Variants in TCF7L2 observed in about 807,000 individuals in gnomAD.
TCF7L2 encodes transcription factor 7-like 2.
A neutral mutation model predicts 77.9 loss-of-function variants in TCF7L2; 23 were observed. That is an observed-to-expected ratio of 0.30 (90% CI 0.21 to 0.42). TCF7L2 has a LOEUF of 0.42. Ranked by LOEUF, TCF7L2 falls within the 10% of genes least tolerant of loss-of-function variation. The pLI, the probability that TCF7L2 is intolerant of heterozygous loss-of-function variation, is 1.00. For synonymous variants in TCF7L2, 413 were observed against 340.2 expected, an observed-to-expected ratio of 1.21 and a Z score of -2.36; for missense variants, 654 against 793.1, an observed-to-expected ratio of 0.82 and a Z score of 2.11.
At chr10:113,057,725 G>A (rs1238807969) in intron 5 of TCF7L2, among the ~76,000 whole-genome samples, 1 of 152,132 alleles carries the variant, frequency 6.6e-6, no homozygotes, top group Non-Finnish European at 1.5e-5. Flanking sequence ...TCCATTTTAC[G>A]GATGAAGAGA....
intron 4 of TCF7L2, among the ~76,000 whole-genome samples, chr10:113,019,000 G>A (rs889451192): frequency 2.6e-5 from 4 of 152,278 alleles, no homozygotes; most frequent in Middle Eastern, 3.4e-3. Flanking sequence ...GAGCACAAGA[G>A]GGAGGGACAA....
At chr10:112,979,089 GT>G (rs896133764) in intron 4 of TCF7L2, among the ~76,000 whole-genome samples, 7 of 151,840 alleles carry the variant, frequency 4.6e-5, no homozygotes, top group African/African-American at 1.7e-4. Context: ...AGTTGGTATT[GT>G]TTTTTTTCTC....
chr10:113,025,617 G>A (rs1399041027), intron 4 of TCF7L2, among the ~76,000 whole-genome samples: 2 of 152,244 alleles, frequency 1.3e-5, no homozygotes, highest in East Asian at 3.9e-4. Context: ...CTGGACTCAA[G>A]CAATCTGCCC....
intron 11 of TCF7L2, 54 bp from the exon 12 acceptor site, chr10:113,157,967 T>A (rs1391999266): frequency 1.5e-5 from 23 of 1,544,252 alleles, no homozygotes. Flanking sequence ...GCCCAGACAC[T>A]CTTCTCACAT....
intron 5 of TCF7L2, among the ~76,000 whole-genome samples, chr10:113,044,290 C>T (rs2053029718): frequency 6.6e-6 from 1 of 152,190 alleles, no homozygotes; most frequent in Non-Finnish European, 1.5e-5. Context: ...AAATCTCTGC[C>T]GTCTACCCTG....
Position 113,166,574 on chromosome 10 carries a change from G to C in TCF7L2, c.*602G>C, listed in dbSNP as rs7099964. On this transcript the variant is annotated 3_prime_UTR_variant, in exon 14 of 14. Transcript: ENST00000627217. ...CTTGTTCCATGGTGTTGTTCTTTTGGGGGGAGGGGACGCTACTCAACACTT... is the reference window on the plus strand; with the variant it reads ...CTTGTTCCATGGTGTTGTTCTTTTGCGGGGAGGGGACGCTACTCAACACTT... 0.062 allele frequency: 13,931 copies of C among 225,044 alleles called. 592 individuals are homozygous for C. Among genetic ancestry groups the C allele is most frequent in the Non-Finnish European group, 0.09 (10,135 of 113,092 alleles). The allele number at this position is 225,044 out of a possible 1,614,324, so 13.9% of individuals were successfully genotyped here. A position where few individuals can be genotyped will look rare whatever the true frequency, so the allele number is the denominator to read the frequency against.
rs1419705535 is a variant in TCF7L2, at chr10:113,141,373, C to T, written c.685+57C>T. 4 of 1,609,516 alleles carry T rather than the reference C, an allele frequency of 2.5e-6. No homozygotes were observed. The African/African-American group carries it at 5.4e-5, about 22-fold the overall frequency. ...TGCTGGTCCTGGGGTTCTGGGGGAA[C>T]CTTTGAGGCCTCCACAGGAACCCCA... On this transcript the variant is annotated intron_variant, in intron 6 of 13. Transcript: ENST00000627217.
chr10:112,970,627 G>T (rs1264169974), intron 4 of TCF7L2, among the ~76,000 whole-genome samples: 1 of 152,092 alleles, frequency 6.6e-6, no homozygotes. Flanking sequence ...CCAGAAATTA[G>T]TACCAGCGGA....
At chr10:113,140,849 G>A (rs1410095722) in intron 5 of TCF7L2, among the ~76,000 whole-genome samples, 2 of 152,212 alleles carry the variant, frequency 1.3e-5, no homozygotes, top group East Asian at 3.9e-4. Flanking sequence ...AAACGCAGTA[G>A]GCATGGGAGA....
intron 4 of TCF7L2, among the ~76,000 whole-genome samples, chr10:113,006,812 G>T (rs978064034): frequency 2.6e-5 from 4 of 152,210 alleles, no homozygotes; most frequent in African/African-American, 9.6e-5. Context: ...CCAGGACAGG[G>T]CTGTGCTGCT....
intron 5 of TCF7L2, among the ~76,000 whole-genome samples, chr10:113,107,563 G>A (rs1000281048): frequency 6.6e-6 from 1 of 151,348 alleles, no homozygotes; most frequent in African/African-American, 2.4e-5. Flanking sequence ...CTAACACAGT[G>A]AAACCCTGTC....
intron 4 of TCF7L2, among the ~76,000 whole-genome samples, chr10:113,003,520 A>T (rs1211710914): frequency 2.0e-5 from 3 of 152,100 alleles, no homozygotes; most frequent in African/African-American, 7.2e-5. Context: ...GCCCTCTCTT[A>T]TCCTGTTTCC....
chr10:113,022,444 T>C (rs576514623), intron 4 of TCF7L2, among the ~76,000 whole-genome samples: 1 of 152,312 alleles, frequency 6.6e-6, no homozygotes, highest in African/African-American at 2.4e-5. Flanking sequence ...GGAGCCCATA[T>C]GGAGAAACAG....
chr10:113,097,330 A>T (rs2061107566), intron 5 of TCF7L2, among the ~76,000 whole-genome samples: 1 of 152,140 alleles, frequency 6.6e-6, no homozygotes, highest in Non-Finnish European at 1.5e-5. Context: ...TCTCAGGACA[A>T]ATTTCTTTCC....
At chr10:112,961,102 C>T (rs527875751) in intron 3 of TCF7L2, among the ~76,000 whole-genome samples, 3 of 152,238 alleles carry the variant, frequency 2.0e-5, no homozygotes, top group East Asian at 1.9e-4. Flanking sequence ...CAACCTCCCC[C>T]TCCCGGGTTC....
In TCF7L2 at chr10:113,084,364, A is replaced by T. The variant is rs2059607501; in HGVS notation, c.552+44238A>T. ...CAAAGGCCGGTGGGCTGGAGCCCAG[A>T]GATGCTGCTTTAGCTCAAGCCCGAA... On this transcript the variant is annotated intron_variant, in intron 5 of 13. Coordinates refer to ENST00000627217, the MANE Select transcript of TCF7L2 (RefSeq NM_001146274.2). Among the ~76,000 whole-genome samples the T allele has an allele frequency of 3.3e-5, 5 of 152,118 alleles. No individual in the cohort carries two copies. In the South Asian group the frequency reaches 1.0e-3, roughly 32 times the overall value.
In TCF7L2 at chr10:113,097,669, AAAAAAC is replaced by A. The variant is rs1311414326; in HGVS notation, c.553-43512_553-43507del. Among the ~76,000 whole-genome samples the A allele has an allele frequency of 2.7e-4, 33 of 123,040 alleles. 1 individual carries two copies. Among genetic ancestry groups the A allele is most frequent in the South Asian group, 4.8e-4 (2 of 4,208 alleles). 80.7% of individuals were successfully genotyped at this position (123,040 alleles called of 152,430 possible). A position where few individuals can be genotyped will look rare whatever the true frequency, so the allele number is the denominator to read the frequency against. On this transcript the variant is annotated intron_variant, in intron 5 of 13. Transcript: ENST00000627217. ...CGGAAAAAAAAAAAAAAAAAAAAAA[AAAAAAC>A]AACCATGAGAAAGATATATGGAGGT...
At chr10:113,163,683 C>A (rs2073559222) in intron 13 of TCF7L2, among the ~76,000 whole-genome samples, 1 of 151,998 alleles carries the variant, frequency 6.6e-6, no homozygotes. Flanking sequence ...AGGAACCTTG[C>A]CAAATTGAGG....
chr10:113,136,871 C>T (rs1359907885), intron 5 of TCF7L2, among the ~76,000 whole-genome samples: 1 of 152,136 alleles, frequency 6.6e-6, no homozygotes, highest in Non-Finnish European at 1.5e-5. Flanking sequence ...TTCTTAAAGA[C>T]CTCGTTAGAG....
Sources: gnomAD v4.1 joint callset for allele counts (sites outside exome capture counted in the v4.1 genomes callset) on GRCh38, gnomAD v4.1.1 for gene constraint, MANE v1.5 for transcripts, NCBI Gene and HGNC (gene_info 2026-07-23, HGNC 2026-07-21) for gene names.